Variants in VAT1L observed in about 807,000 individuals in gnomAD.
VAT1L encodes putative NADPH-dependent quinone oxidoreductase VAT1L.
A neutral mutation model predicts 44.1 loss-of-function variants in VAT1L; 34 were observed. The ratio of observed to expected loss-of-function variants is 0.77; its 90% CI spans 0.59 to 1.03. The LOEUF is 1.03. Among genes scored for constraint, VAT1L ranks in the 50% least tolerant of loss-of-function variants. The probability of loss-of-function intolerance (pLI) is 0.00; values close to 1 mark genes in which losing one functional copy is unlikely to be tolerated. For missense variants in VAT1L, 615 were observed against 538.8 expected, an observed-to-expected ratio of 1.14 and a Z score of -1.40; for synonymous variants, 253 against 202.2, an observed-to-expected ratio of 1.25 and a Z score of -2.13.
At chr16:77,861,159 C>G (rs2016910720) in intron 3 of VAT1L, among the ~76,000 whole-genome samples, 1 of 152,166 alleles carries the variant, frequency 6.6e-6, no homozygotes, top group African/African-American at 2.4e-5. Context: ...GACCTGCCAA[C>G]CTGATTTAGT....
At chr16:77,933,300 G>A (rs1597105842) in intron 7 of VAT1L, among the ~76,000 whole-genome samples, 1 of 152,156 alleles carries the variant, frequency 6.6e-6, no homozygotes, top group African/African-American at 2.4e-5. Context: ...GCTAATAAGT[G>A]ACAAAGCCAG....
intron 7 of VAT1L, among the ~76,000 whole-genome samples, chr16:77,922,719 C>T (rs1035954703): frequency 2.0e-5 from 3 of 152,184 alleles, no homozygotes; most frequent in Admixed American, 2.0e-4. Context: ...TCCCTTTAAG[C>T]TTGCACACTC....
intron 7 of VAT1L, among the ~76,000 whole-genome samples, chr16:77,923,187 A>G (rs2017630734): frequency 6.6e-6 from 1 of 152,216 alleles, no homozygotes; most frequent in Admixed American, 6.5e-5. Context: ...GCAGTGGCTC[A>G]CGCCTGTAAT....
rs748272700 is a variant in VAT1L at position 77,817,003 on chromosome 16, T to C, written c.316T>C (p.Cys106Arg). The change falls in exon 2 of 9, where the codon TGT becomes CGT. Residue 106 changes from cysteine to arginine, a missense_variant. Coordinates refer to ENST00000302536, the MANE Select transcript of VAT1L (RefSeq NM_020927.3). ...PKTPLVPGFE[C>R]SGIVEALGDS... Reference sequence around the variant, plus strand: ...GACTCCCCTGGTGCCAGGATTTGAGTGTTCTGGGATTGTTGAAGCTCTGGG... The same window carrying C: ...GACTCCCCTGGTGCCAGGATTTGAGCGTTCTGGGATTGTTGAAGCTCTGGG... 1 of 1,613,864 alleles carries C rather than the reference T, an allele frequency of 6.2e-7. No homozygotes were observed. The highest frequency in any genetic ancestry group is 8.5e-7 in the Non-Finnish European group (1 of 1,179,912).
chr16:77,947,762 C>A (rs557821737), intron 7 of VAT1L, among the ~76,000 whole-genome samples: 122 of 152,276 alleles, frequency 8.0e-4, no homozygotes, highest in African/African-American at 2.9e-3. Context: ...TGCCTACCTC[C>A]CTCTGTTTTT....
chr16:77,914,937 C>G (rs1343343071), intron 7 of VAT1L, among the ~76,000 whole-genome samples: 2 of 152,118 alleles, frequency 1.3e-5, no homozygotes, highest in African/African-American at 4.8e-5. Flanking sequence ...ACCAGCCTGA[C>G]CAACATGGAG....
At chr16:77,972,068 T>C (rs2018284754) in intron 8 of VAT1L, 135 bp downstream of exon 8, 1 of 737,512 alleles carries the variant, frequency 1.4e-6, no homozygotes, top group African/African-American at 1.8e-5. Context: ...GGTAATCAAA[T>C]GATGTCATAC....
intron 5 of VAT1L, among the ~76,000 whole-genome samples, chr16:77,877,870 A>T (rs975189663): frequency 6.6e-6 from 1 of 152,218 alleles, no homozygotes; most frequent in African/African-American, 2.4e-5. Context: ...CAGTAATTTC[A>T]ATCATAGCCA....
intron 3 of VAT1L, among the ~76,000 whole-genome samples, chr16:77,844,656 G>A (rs1368047710): frequency 3.3e-5 from 5 of 152,022 alleles, no homozygotes; most frequent in Non-Finnish European, 5.9e-5. Flanking sequence ...TGATCCAGCC[G>A]TCTTAGCGTC....
chr16:77,906,780 G>C (rs768400707), intron 7 of VAT1L, among the ~76,000 whole-genome samples: 2 of 152,202 alleles, frequency 1.3e-5, no homozygotes, highest in Non-Finnish European at 2.9e-5. Context: ...TCTCACATCA[G>C]AGCTACCTCT....
intron 3 of VAT1L, among the ~76,000 whole-genome samples, chr16:77,832,438 A>T (rs886233900): frequency 6.6e-6 from 1 of 152,166 alleles, no homozygotes; most frequent in African/African-American, 2.4e-5. Context: ...AGACAGCTGT[A>T]ACTTCCTCTA....
intron 3 of VAT1L, among the ~76,000 whole-genome samples, chr16:77,839,480 G>A (rs898055625): frequency 7.3e-6 from 1 of 136,506 alleles, no homozygotes; most frequent in African/African-American, 2.8e-5. Flanking sequence ...AGCTTGCAGT[G>A]AGCCGAAATC....
intron 7 of VAT1L, among the ~76,000 whole-genome samples, chr16:77,904,082 A>T (rs1333105894): frequency 6.6e-6 from 1 of 151,970 alleles, no homozygotes; most frequent in Non-Finnish European, 1.5e-5. Context: ...CTTTGGCACC[A>T]GCCTAATAAC....
At chr16:77,944,341 G>C (rs1046067187) in intron 7 of VAT1L, among the ~76,000 whole-genome samples, 3 of 152,156 alleles carry the variant, frequency 2.0e-5, no homozygotes, top group Non-Finnish European at 2.9e-5. Context: ...GAGTAGCATA[G>C]CCCCTAAAAA....
intron 7 of VAT1L, among the ~76,000 whole-genome samples, chr16:77,917,449 T>C (rs2017563354): frequency 6.6e-6 from 1 of 152,204 alleles, no homozygotes. Context: ...TCAGTGCAAA[T>C]GTAACAGAGA....
intron 7 of VAT1L, among the ~76,000 whole-genome samples, chr16:77,962,404 A>G (rs1035044848): frequency 5.3e-5 from 8 of 152,020 alleles, no homozygotes; most frequent in Non-Finnish European, 1.2e-4. Context: ...AGCCATAGGT[A>G]GGGGTGCTGA....
At chr16:77,953,514 A>G (rs931778306) in intron 7 of VAT1L, among the ~76,000 whole-genome samples, 3 of 152,072 alleles carry the variant, frequency 2.0e-5, no homozygotes, top group African/African-American at 7.2e-5. Flanking sequence ...ATTTGACAGA[A>G]CACCTATTTA....
intron 7 of VAT1L, chr16:77,892,624 A>C (rs919561969): frequency 1.4e-6 from 1 of 690,734 alleles, no homozygotes; most frequent in African/African-American, 1.8e-5. Flanking sequence ...GTGACTTCAC[A>C]CTCCATAATG....
intron 7 of VAT1L, among the ~76,000 whole-genome samples, chr16:77,961,702 G>A (rs557960489): frequency 6.6e-6 from 1 of 152,212 alleles, no homozygotes; most frequent in African/African-American, 2.4e-5. Flanking sequence ...CACAACACTA[G>A]ACATGAATGC....
Sources: allele counts gnomAD v4.1 joint callset (sites outside exome capture counted in the v4.1 genomes callset), GRCh38; gene constraint gnomAD v4.1.1; transcripts MANE v1.5; gene names NCBI Gene and HGNC (gene_info 2026-07-23, HGNC 2026-07-21).